Variants in DNAI3 observed in about 807,000 individuals in gnomAD.
DNAI3 encodes the protein dynein axonemal intermediate chain 3.
DNAI3 carries 83 observed loss-of-function variants against 115.5 expected under a neutral mutation model. The observed-to-expected ratio is 0.72, with a 90% CI of 0.60 to 0.86. The LOEUF (loss-of-function observed/expected upper bound fraction) is 0.86, where lower values mean the gene tolerates loss of function less well. DNAI3 is among the 40% of genes least tolerant of loss of function. DNAI3 has a pLI of 0.00. For synonymous variants in DNAI3, 320 were observed against 347.0 expected (o/e 0.92, Z 0.86); for missense variants, 1,004 against 1,075.8 (o/e 0.93, Z 0.93).
chr1:85,072,973 A>ATT, intron 2 of DNAI3, 81 bp from the exon 3 acceptor site: 1 of 760,196 alleles, frequency 1.3e-6, no homozygotes, highest in Non-Finnish European at 1.8e-6. Flanking sequence ...AAAAAAAAAA[A>ATT]AGAAGAAATA....
intron 14 of DNAI3, among the ~76,000 whole-genome samples, chr1:85,106,708 T>G (rs1350285407): frequency 6.6e-6 from 1 of 152,182 alleles, no homozygotes; most frequent in Non-Finnish European, 1.5e-5. Flanking sequence ...GAAATAGACC[T>G]GAGAGTCCAG....
Position 85,126,511 on chromosome 1 carries a change from A to G in DNAI3, c.2113A>G (p.Thr705Ala). The G allele has an allele frequency of 6.2e-7, 1 of 1,611,704 alleles. No individual in the cohort carries two copies. Among genetic ancestry groups the G allele is most frequent in the Non-Finnish European group, 8.5e-7 (1 of 1,178,826 alleles). ...TGTCTTTTTAAAAATTTGTTTAAAGACTGGACCGCTCCTTCAGTCATGCTG... is the reference window on the plus strand; with the variant it reads ...TGTCTTTTTAAAAATTTGTTTAAAGGCTGGACCGCTCCTTCAGTCATGCTG... Reference protein sequence around the residue: ...NVAIWKEGVMTGPLLQSCCAP... With the variant: ...NVAIWKEGVMAGPLLQSCCAP... Residue 705 changes from threonine to alanine, a missense_variant and splice_region_variant, in exon 20 of 23, where the codon ACT (threonine) becomes GCT (alanine). By Grantham distance (58) the Thr-to-Ala change is moderately conservative. Around this residue, in one of 3 missense-constraint regions of DNAI3, gnomAD observed 429 missense variants for 454.3 expected, o/e 0.94. Coordinates refer to ENST00000294664, the MANE Select transcript of DNAI3 (RefSeq NM_145172.5).
intron 7 of DNAI3, among the ~76,000 whole-genome samples, chr1:85,088,837 G>GTT (rs201375748): frequency 6.8e-6 from 1 of 147,900 alleles, no homozygotes; most frequent in African/African-American, 2.5e-5. Flanking sequence ...ATATCATTTT[G>GTT]TTTTTTTTTT....
chr1:85,068,222 T>C (rs112372070), intron 1 of DNAI3, among the ~76,000 whole-genome samples: 85 of 152,280 alleles, frequency 5.6e-4, no homozygotes, highest in African/African-American at 1.9e-3. Flanking sequence ...GTTTATAGTC[T>C]AGTTTGCAGT....
At position 85,108,023 on chromosome 1, in the gene DNAI3, T is replaced by C. The variant is rs75724948; in HGVS notation, c.1554-10T>C. ...GTACTTAATAAAAAATATATATAAA[T>C]TTTTTTTAGCACAATATGTTTTTGG... On this transcript the variant is annotated splice_polypyrimidine_tract_variant and intron_variant, in intron 14 of 22. Transcript: ENST00000294664. 1.7e-5 allele frequency: 20 copies of C among 1,155,574 alleles called. No homozygotes were observed. Among genetic ancestry groups the C allele is most frequent in the Admixed American group, 1.6e-4 (3 of 19,330 alleles). 71.6% of individuals were successfully genotyped at this position (1,155,574 alleles called of 1,614,324 possible).
At chr1:85,082,029 G>A (rs1557709755) in intron 4 of DNAI3, among the ~76,000 whole-genome samples, 1 of 152,302 alleles carries the variant, frequency 6.6e-6, no homozygotes, top group South Asian at 2.1e-4. Flanking sequence ...TTATCTCTAT[G>A]CATGCTACAG....
chr1:85,094,955 C>A (rs554792099), intron 10 of DNAI3, among the ~76,000 whole-genome samples: 1 of 152,160 alleles, frequency 6.6e-6, no homozygotes, highest in Admixed American at 6.5e-5. Flanking sequence ...GTAGGGACTG[C>A]GGCCTTGGAG....
In DNAI3 at chr1:85,126,539, C is replaced by T; in HGVS notation, c.2141C>T (p.Ala714Val). The change falls in exon 20 of 23, where the codon GCA becomes GTA. Residue 714 changes from alanine to valine, a missense_variant. By Grantham distance (64) the Ala-to-Val change is moderately conservative (BLOSUM62 0). This residue lies in a region of DNAI3 where 429 missense variants were observed against 454.3 expected (regional missense o/e 0.94). Coordinates refer to ENST00000294664, the MANE Select transcript of DNAI3 (RefSeq NM_145172.5). ...MTGPLLQSCC[A>V]PKRYTSGHWS... ...GGACCGCTCCTTCAGTCATGCTGTG[C>T]ACCAAAAAGGTACACCTCAGGCCAC... 6.2e-7 allele frequency: 1 copy of T among 1,614,058 alleles called. No homozygotes were observed. The highest frequency in any genetic ancestry group is 1.1e-5 in the South Asian group (1 of 91,068).
intron 22 of DNAI3, among the ~76,000 whole-genome samples, chr1:85,131,456 A>AT (rs930276921): frequency 2.0e-5 from 3 of 148,054 alleles, no homozygotes; most frequent in African/African-American, 7.5e-5. Flanking sequence ...AAAAAAAAAA[A>AT]AAAAAAATAA....
intron 22 of DNAI3, among the ~76,000 whole-genome samples, chr1:85,132,066 T>A (rs1035973124): frequency 1.3e-5 from 2 of 152,154 alleles, no homozygotes; most frequent in African/African-American, 4.8e-5. Context: ...TCTGTTACAT[T>A]GAGAACATAA....
chr1:85,066,314 C>CTTTTTTT lies in DNAI3; in HGVS notation c.-15+3848_-15+3854dup, dbSNP rs57553075. 1.1e-4 allele frequency among the ~76,000 whole-genome samples: 8 copies of CTTTTTTT among 70,036 alleles called. 1 individual carries two copies. The highest frequency in any genetic ancestry group is 1.2e-3 in the South Asian group (2 of 1,660). The allele number at this position is 70,036 out of a possible 152,430, so 45.9% of individuals were successfully genotyped here. A position where few individuals can be genotyped will look rare whatever the true frequency, so the allele number is the denominator to read the frequency against. Reference sequence around the variant, plus strand: ...TAGACGAATTATCTCTTCTGCTACTCTTTTTTTTTTTTTTTTTTTTTTTTT... The same window carrying CTTTTTTT: ...TAGACGAATTATCTCTTCTGCTACTCTTTTTTTTTTTTTTTTTTTTTTTTTTTTTTTT... On this transcript the variant is annotated intron_variant, in intron 1 of 22. Coordinates refer to ENST00000294664, the MANE Select transcript of DNAI3 (RefSeq NM_145172.5).
chr1:85,123,241 C>T (rs1339105580), intron 18 of DNAI3, among the ~76,000 whole-genome samples: 2 of 152,206 alleles, frequency 1.3e-5, no homozygotes, highest in Non-Finnish European at 2.9e-5. Flanking sequence ...TCTGCTTTTA[C>T]CTTCCCCTAA....
intron 3 of DNAI3, among the ~76,000 whole-genome samples, chr1:85,074,496 C>A (rs1003440519): frequency 1.3e-5 from 2 of 152,186 alleles, no homozygotes; most frequent in Non-Finnish European, 2.9e-5. Flanking sequence ...TTTGCTGTCC[C>A]TGATGCATAG....
At chr1:85,119,943 G>A (rs570816660) in intron 17 of DNAI3, among the ~76,000 whole-genome samples, 26 of 152,186 alleles carry the variant, frequency 1.7e-4, no homozygotes, top group African/African-American at 4.8e-4. Context: ...CAGGTGATCC[G>A]CTCGCCTTGG....
At chr1:85,120,988 G>A (rs910178593) in intron 17 of DNAI3, among the ~76,000 whole-genome samples, 7 of 152,248 alleles carry the variant, frequency 4.6e-5, no homozygotes, top group African/African-American at 9.6e-5. Context: ...AAACTCCTGT[G>A]TTTTTCTCTT....
chr1:85,087,813 C>G (rs1266627995), intron 7 of DNAI3, among the ~76,000 whole-genome samples: 2 of 152,010 alleles, frequency 1.3e-5, no homozygotes, highest in South Asian at 4.2e-4. Flanking sequence ...AAGTCATGAC[C>G]AGGAGAATCA....
chr1:85,069,849 A>G (rs72946758), intron 1 of DNAI3, among the ~76,000 whole-genome samples: 2,449 of 152,360 alleles, frequency 0.016, 62 homozygotes, highest in African/African-American at 0.056. Context: ...AATTATGCTA[A>G]GACTGGGAAG....
intron 7 of DNAI3, among the ~76,000 whole-genome samples, 190 bp downstream of exon 7, chr1:85,086,220 G>C (rs1034732231): frequency 6.6e-6 from 1 of 152,078 alleles, no homozygotes; most frequent in African/African-American, 2.4e-5. Context: ...AATCATAACA[G>C]GAAAATGAGA....
rs1168804903 is a variant in DNAI3, at chr1:85,073,090, TG to T, written c.103+1del. 6.5e-7 allele frequency: 1 copy of T among 1,542,716 alleles called. No individual in the cohort carries two copies. The highest frequency in any genetic ancestry group is 8.8e-7 in the Non-Finnish European group (1 of 1,142,214). Reference sequence around the variant, plus strand: ...ATGGAACCAGTAAATATGGAGAGCATGGGTAAGTGGAAATATAATTTACAAC... The same window carrying T: ...ATGGAACCAGTAAATATGGAGAGCATGGTAAGTGGAAATATAATTTACAAC... Reference protein sequence around the residue: ...EDMEPVNMESMGHPEIYPLVL... With the variant: ...EDMEPVNMESXGHPEIYPLVL... On this transcript the variant is annotated frameshift_variant and splice_region_variant, in exon 3 of 23. Transcript: ENST00000294664. LOFTEE classifies it high-confidence loss of function.
Sources: gnomAD v4.1 joint callset for allele counts (sites outside exome capture counted in the v4.1 genomes callset) on GRCh38, gnomAD v4.1.1 for gene constraint, gnomAD v4.1.1 regional missense constraint, MANE v1.5 for transcripts, NCBI Gene and HGNC (gene_info 2026-07-23, HGNC 2026-07-21) for gene names.